CAD: variants seen among roughly 807,000 people sequenced by gnomAD.
CAD encodes multifunctional protein CAD.
In CAD, 81 loss-of-function variants were observed where a neutral mutation model predicts 237.2. That is an observed-to-expected ratio of 0.34 (90% CI 0.29 to 0.41). The LOEUF (loss-of-function observed/expected upper bound fraction) is 0.41, where lower values mean the gene tolerates loss of function less well. Among genes scored for constraint, CAD ranks in the 10% least tolerant of loss-of-function variants. The probability of loss-of-function intolerance (pLI) is 1.00; values close to 1 mark genes in which losing one functional copy is unlikely to be tolerated. For missense variants in CAD, 2,181 were observed against 2,951.7 expected, an observed-to-expected ratio of 0.74 and a Z score of 6.05; for synonymous variants, 1,196 against 1,162.8, an observed-to-expected ratio of 1.03 and a Z score of -0.58.
Position 27,234,530 on chromosome 2 carries a change from A to C in CAD, c.3631A>C (p.Lys1211Gln). 1 of 1,613,920 alleles carries C rather than the reference A, an allele frequency of 6.2e-7. No homozygotes were observed. The highest frequency in any genetic ancestry group is 8.5e-7 in the Non-Finnish European group (1 of 1,179,840). ...LQLIAKDDQL[K>Q]VIECNVRVSR... ...TTCTCTGCCCCAGGATGACCAGCTG[A>C]AAGTTATTGAATGCAACGTACGTGT... The change falls in exon 23 of 44, where the codon AAA becomes CAA. Residue 1211 changes from lysine (K) to glutamine (Q), a missense_variant. This residue lies in a region of CAD where 306 missense variants were observed against 607.9 expected (regional missense o/e 0.50). Coordinates refer to ENST00000264705, the MANE Select transcript of CAD (RefSeq NM_004341.5).
Position 27,241,144 on chromosome 2 carries a change from T to A in CAD, c.5725T>A (p.Leu1909Met). The A allele has an allele frequency of 6.2e-7, 1 of 1,612,574 alleles. No individual in the cohort carries two copies. Among genetic ancestry groups the A allele is most frequent in the Non-Finnish European group, 8.5e-7 (1 of 1,179,332 alleles). Residue 1909 changes from leucine to methionine, a missense_variant, in exon 37 of 44, where the codon TTG becomes ATG. Transcript: ENST00000264705. This position sits in a 1 kb window ranked among gnomAD's most constrained non-coding sequence, Gnocchi z 4.6. ...ASPQNLGTPGLLHPQTSPLLH... is the reference protein window; with the variant it reads ...ASPQNLGTPGMLHPQTSPLLH... Reference sequence around the variant, plus strand: ...TCCCCAGAACCTGGGGACCCCTGGCTTGCTGCACCCCCAGACCTCACCCCT... The same window carrying A: ...TCCCCAGAACCTGGGGACCCCTGGCATGCTGCACCCCCAGACCTCACCCCT...
intron 6 of CAD, 97 bp from the exon 7 acceptor site, chr2:27,223,466 A>T: frequency 2.0e-6 from 2 of 990,688 alleles, no homozygotes; most frequent in Non-Finnish European, 3.0e-6. Flanking sequence ...AACAGGAGTG[A>T]GGCTACTGAG....
rs1211793770 is a variant in CAD at position 27,242,679 on chromosome 2, C to T, written c.6282C>T (p.Leu2094=). The T allele has an allele frequency of 6.8e-6, 11 of 1,613,654 alleles. No homozygotes were observed. The South Asian group carries it at 9.9e-5, about 15-fold the overall frequency. Residue 2094 remains leucine (L), a synonymous_variant, in exon 41 of 44, where the codon CTC becomes CTT. Transcript: ENST00000264705. The surrounding 1 kb of genome is among the most constrained non-coding windows in gnomAD (Gnocchi z 6.4). Reference sequence around the variant, plus strand: ...CAGTACATTCCCTGGCCTGCCTGCTCACCCAGTATCGTGTCAGCCTGCGCT... The same window carrying T: ...CAGTACATTCCCTGGCCTGCCTGCTTACCCAGTATCGTGTCAGCCTGCGCT... The part of the protein sequence containing the change: ...GRTVHSLACL[L]TQYRVSLRYV...
In CAD at chr2:27,242,650, C is replaced by T. The variant is rs376465227; in HGVS notation, c.6253C>T (p.Arg2085Cys). Residue 2085 changes from arginine to cysteine, a missense_variant, in exon 41 of 44, where the codon CGC (arginine) becomes TGC (cysteine). Transcript: ENST00000264705. This position sits in a 1 kb window ranked among gnomAD's most constrained non-coding sequence, Gnocchi z 6.4. ...ITMVGDLKHG[R>C]TVHSLACLLT... Reference sequence around the variant, plus strand: ...GATGGTGGGTGACCTGAAGCACGGACGCACAGTACATTCCCTGGCCTGCCT... The same window carrying T: ...GATGGTGGGTGACCTGAAGCACGGATGCACAGTACATTCCCTGGCCTGCCT... 5.0e-6 allele frequency: 8 copies of T among 1,608,334 alleles called. No homozygotes were observed. The highest frequency in any genetic ancestry group is 2.7e-5 in the African/African-American group (2 of 74,844).
Position 27,239,027 on chromosome 2 carries a change from C to T in CAD, c.5063-15C>T, listed in dbSNP as rs1318096845. On this transcript the variant is annotated splice_polypyrimidine_tract_variant and intron_variant, in intron 31 of 43. Transcript: ENST00000264705. The surrounding 1 kb of genome is among the most constrained non-coding windows in gnomAD (Gnocchi z 4.0). Reference sequence around the variant, plus strand: ...AGGTGATTGGTCCTGAGGGTAATGGCTTTCTTTCTCCCAGCTCCCCATACC... The same window carrying T: ...AGGTGATTGGTCCTGAGGGTAATGGTTTTCTTTCTCCCAGCTCCCCATACC... The T allele has an allele frequency of 6.5e-7, 1 of 1,538,340 alleles. No homozygotes were observed. Among genetic ancestry groups the T allele is most frequent in the African/African-American group, 1.4e-5 (1 of 72,224 alleles).
At position 27,242,336 on chromosome 2, in the gene CAD, A is replaced by G. The variant is rs377393330; in HGVS notation, c.6131A>G (p.Asn2044Ser). The G allele has an allele frequency of 1.4e-5, 23 of 1,613,832 alleles. No homozygotes were observed. The highest frequency in any genetic ancestry group is 2.7e-5 in the African/African-American group (2 of 74,928). ...AAGCACTGCCGGAGGCCAGTGATCA[A>G]TGCTGGGGATGGGGTCGGAGAGCAC... ...AAKHCRRPVI[N>S]AGDGVGEHPT... is the part of the protein sequence containing the mutation. Residue 2044 changes from asparagine to serine, a missense_variant, in exon 40 of 44, where the codon AAT becomes AGT. Asn to Ser is a conservative substitution (Grantham distance 46). Transcript: ENST00000264705. The surrounding 1 kb of genome is among the most constrained non-coding windows in gnomAD (Gnocchi z 6.4).
chr2:27,231,932 T>C, intron 16 of CAD, 48 bp from the exon 17 acceptor site: 1 of 1,610,984 alleles, frequency 6.2e-7, no homozygotes, highest in Non-Finnish European at 8.5e-7. Flanking sequence ...GCTCAGGCTT[T>C]TAGATGGGCT....
intron 31 of CAD, 99 bp downstream of exon 31, chr2:27,238,731 G>C: frequency 8.7e-7 from 1 of 1,154,292 alleles, no homozygotes; most frequent in Non-Finnish European, 1.2e-6. Flanking sequence ...ACTCTACTAG[G>C]ACAGGGTCTT....
chr2:27,233,541 G>T lies in CAD; in HGVS notation c.3216+5G>T, dbSNP rs1675866072. 1 of 1,613,954 alleles carries T rather than the reference G, an allele frequency of 6.2e-7. No individual in the cohort carries two copies. The highest frequency in any genetic ancestry group is 1.3e-5 in the African/African-American group (1 of 74,946). On this transcript the variant is annotated splice_donor_5th_base_variant and intron_variant, in intron 20 of 43. Coordinates refer to ENST00000264705, the MANE Select transcript of CAD (RefSeq NM_004341.5). This position sits in a 1 kb window ranked among gnomAD's most constrained non-coding sequence, Gnocchi z 6.3. ...AGGGAGCTCAGTGACCTCGAGGTGGGCTGGGACCTGGTGGGTTACCCGGAG... is the reference window on the plus strand; with the variant it reads ...AGGGAGCTCAGTGACCTCGAGGTGGTCTGGGACCTGGTGGGTTACCCGGAG...
chr2:27,221,204 CTT>C lies in CAD; in HGVS notation c.223-12_223-11del, dbSNP rs1675148592. 1 of 1,495,336 alleles carries C rather than the reference CTT, an allele frequency of 6.7e-7. No homozygotes were observed. The highest frequency in any genetic ancestry group is 9.0e-7 in the Non-Finnish European group (1 of 1,113,284). 92.6% of individuals were successfully genotyped at this position (1,495,336 alleles called of 1,614,324 possible). ...CTTGGCCTGAGGCTTCTCACAATCT[CTT>C]TCCATCTACAGTGGTTTGAATCCTC... On this transcript the variant is annotated splice_polypyrimidine_tract_variant and intron_variant, in intron 2 of 43. Transcript: ENST00000264705.
intron 15 of CAD, among the ~76,000 whole-genome samples, chr2:27,229,876 GAAAA>G (rs1215538368): frequency 3.5e-5 from 3 of 85,248 alleles, no homozygotes; most frequent in Admixed American, 1.2e-4. Context: ...CTACGTCTCA[GAAAA>G]AAAAAAAAAA....
intron 16 of CAD, 93 bp downstream of exon 16, chr2:27,231,673 G>A: frequency 1.3e-6 from 1 of 785,868 alleles, no homozygotes; most frequent in Non-Finnish European, 2.1e-6. Flanking sequence ...AACACTAGCA[G>A]CAGTCATCAT....
Position 27,242,211 on chromosome 2 carries a change from G to A in CAD, c.6096+88G>A. ...TTCTGCCCACGTTTTCTGTGTTTTG[G>A]GCCAGATGAGTGAGGGGACCCCAGA... On this transcript the variant is annotated intron_variant, in intron 39 of 43. Coordinates refer to ENST00000264705, the MANE Select transcript of CAD (RefSeq NM_004341.5). This position sits in a 1 kb window ranked among gnomAD's most constrained non-coding sequence, Gnocchi z 6.4. 6.3e-7 allele frequency: 1 copy of A among 1,583,764 alleles called. No homozygotes were observed. The highest frequency in any genetic ancestry group is 2.3e-5 in the East Asian group (1 of 44,420).
intron 2 of CAD, among the ~76,000 whole-genome samples, chr2:27,220,064 A>C (rs1007009515): frequency 4.6e-5 from 7 of 152,146 alleles, no homozygotes; most frequent in Non-Finnish European, 7.3e-5. Flanking sequence ...TAGCTCCCTA[A>C]GTCAGAAATA....
In CAD at chr2:27,232,584, C is replaced by T. The variant is rs781249914; in HGVS notation, c.2782C>T (p.Leu928Phe). The T allele has an allele frequency of 1.2e-6, 2 of 1,614,212 alleles. No individual in the cohort carries two copies. Among genetic ancestry groups the T allele is most frequent in the Non-Finnish European group, 1.7e-6 (2 of 1,180,028 alleles). Residue 928 changes from leucine to phenylalanine, a missense_variant, in exon 18 of 44, where the codon CTC becomes TTC. Physicochemically the swap from Leu to Phe is conservative, Grantham distance 22. This residue lies in a region of CAD where 385 missense variants were observed against 535.1 expected (regional missense o/e 0.72). Coordinates refer to ENST00000264705, the MANE Select transcript of CAD (RefSeq NM_004341.5). This position sits in a 1 kb window ranked among gnomAD's most constrained non-coding sequence, Gnocchi z 4.1. ...AACGTATTGGGGCACCACCCATGAC[C>T]TCACCTTTCGAACACCTCATGTCCT... ...YLTYWGTTHD[L>F]TFRTPHVLVL...
At position 27,239,407 on chromosome 2, in the gene CAD, A is replaced by G; in HGVS notation, c.5330A>G (p.Gln1777Arg). 1 of 1,614,190 alleles carries G rather than the reference A, an allele frequency of 6.2e-7. No individual in the cohort carries two copies. The highest frequency in any genetic ancestry group is 8.5e-7 in the Non-Finnish European group (1 of 1,180,026). Residue 1777 changes from glutamine (Q) to arginine (R), a missense_variant, in exon 33 of 44, where the codon CAG becomes CGG. Transcript: ENST00000264705. The surrounding 1 kb of genome is among the most constrained non-coding windows in gnomAD (Gnocchi z 4.0). ...SKAHWTPFEG[Q>R]KVKGTVRRVV... ...GCCCACTGGACACCTTTTGAAGGGC[A>G]GAAAGTGAAGGGCACCGTCCGCCGT...
At chr2:27,225,546 T>TCCA (rs2148065480) in intron 11 of CAD, among the ~76,000 whole-genome samples, 159 bp from the exon 12 acceptor site, 2 of 119,332 alleles carry the variant, frequency 1.7e-5, no homozygotes, top group East Asian at 2.1e-4. Flanking sequence ...CCTCAGGTGA[T>TCCA]CCACCCCCCC....
At position 27,235,486 on chromosome 2, in the gene CAD, T is replaced by G. The variant is rs1428035735; in HGVS notation, c.3970-50T>G. 6.2e-7 allele frequency: 1 copy of G among 1,612,132 alleles called. No homozygotes were observed. The highest frequency in any genetic ancestry group is 2.2e-5 in the East Asian group (1 of 44,846). On this transcript the variant is annotated intron_variant, in intron 24 of 43. Transcript: ENST00000264705. This position sits in a 1 kb window ranked among gnomAD's most constrained non-coding sequence, Gnocchi z 5.2. ...TGGCTCCCTGGGCCAGGGCTGACCT[T>G]GAAATGGAAGACAGGAAGAAAACAA...
In CAD at chr2:27,225,342, T is replaced by A. The variant is rs1402780330; in HGVS notation, c.1620+99T>A. 6.8e-6 allele frequency: 5 copies of A among 731,724 alleles called. No homozygotes were observed. In the African/African-American group the frequency reaches 9.1e-5, roughly 13 times the overall value. The allele number at this position is 731,724 out of a possible 1,614,324, so 45.3% of individuals were successfully genotyped here. On this transcript the variant is annotated intron_variant, in intron 11 of 43. Transcript: ENST00000264705. Reference sequence around the variant, plus strand: ...TTTTTTTGAGACGGAGTTTCGCTCTTGTTGCGCAGGCTGGAGTACAGTGGC... The same window carrying A: ...TTTTTTTGAGACGGAGTTTCGCTCTAGTTGCGCAGGCTGGAGTACAGTGGC...
Sources: gnomAD v4.1 joint callset for allele counts (sites outside exome capture counted in the v4.1 genomes callset) on GRCh38, gnomAD v4.1.1 for gene constraint, gnomAD v4.1.1 regional missense constraint, Gnocchi (gnomAD v3.1) non-coding constraint, MANE v1.5 for transcripts, NCBI Gene and HGNC (gene_info 2026-07-23, HGNC 2026-07-21) for gene names.